Variants in NCKAP5 observed in about 807,000 individuals in gnomAD.
NCKAP5 encodes nck-associated protein 5.
A neutral mutation model predicts 167.0 loss-of-function variants in NCKAP5; 92 were observed. The observed-to-expected ratio is 0.55, with a 90% CI of 0.47 to 0.66. The LOEUF (loss-of-function observed/expected upper bound fraction) is 0.66, where lower values mean the gene tolerates loss of function less well. Among genes scored for constraint, NCKAP5 ranks in the 30% least tolerant of loss-of-function variants. NCKAP5 has a pLI of 0.00. For missense variants in NCKAP5, 2,378 were observed against 2,315.0 expected, an observed-to-expected ratio of 1.03 and a Z score of -0.56; for synonymous variants, 891 against 877.4, an observed-to-expected ratio of 1.02 and a Z score of -0.27.
intron 1 of NCKAP5, among the ~76,000 whole-genome samples, chr2:133,563,951 T>C (rs754975612): frequency 6.6e-6 from 1 of 152,142 alleles, no homozygotes; most frequent in Non-Finnish European, 1.5e-5. Flanking sequence ...CCGGCTAACA[T>C]GGTGAAACCC....
intron 15 of NCKAP5, among the ~76,000 whole-genome samples, chr2:132,774,822 G>C (rs1248796371): frequency 6.6e-6 from 1 of 152,198 alleles, no homozygotes; most frequent in Non-Finnish European, 1.5e-5. Context: ...CTATGAAGCA[G>C]GTGCTATGGT....
intron 12 of NCKAP5, among the ~76,000 whole-genome samples, chr2:132,796,096 T>C (rs1370947818): frequency 6.6e-6 from 1 of 152,190 alleles, no homozygotes; most frequent in Non-Finnish European, 1.5e-5. Flanking sequence ...TCCACAAATG[T>C]TCATGTCATT....
At chr2:132,961,280 A>G (rs952988176) in intron 8 of NCKAP5, among the ~76,000 whole-genome samples, 1 of 149,530 alleles carries the variant, frequency 6.7e-6, no homozygotes, top group African/African-American at 2.5e-5. Context: ...AATTCATATG[A>G]AAATTGAATT....
intron 3 of NCKAP5, among the ~76,000 whole-genome samples, chr2:133,397,938 A>G (rs16824301): frequency 0.29 from 43,579 of 151,956 alleles, 6,713 homozygotes; most frequent in African/African-American, 0.39. Flanking sequence ...GCAATGTGAG[A>G]GATTGGTTTG....
rs1003796886 is a variant in NCKAP5 at position 133,116,210 on chromosome 2, G to A, written c.341+13768C>T. ...CGCAAAATAAGAAAAATTTGTGGCC[G>A]GGCGCGGTGGCTCACGCCTGTAATC... On this transcript the variant is annotated intron_variant, in intron 6 of 19. Transcript: ENST00000409261. Among the ~76,000 whole-genome samples the A allele has an allele frequency of 8.1e-5, 7 of 86,170 alleles. 2 individuals carry two copies. Among genetic ancestry groups the A allele is most frequent in the African/African-American group, 1.9e-4 (3 of 15,542 alleles). The allele number at this position is 86,170 out of a possible 152,430, so 56.5% of individuals were successfully genotyped here. A position where few individuals can be genotyped will look rare whatever the true frequency, so the allele number is the denominator to read the frequency against.
intron 5 of NCKAP5, among the ~76,000 whole-genome samples, chr2:133,131,723 G>A (rs895313129): frequency 1.2e-4 from 19 of 152,020 alleles, no homozygotes; most frequent in African/African-American, 3.4e-4. Flanking sequence ...TTCTGGAAGC[G>A]CTGGAAAGAA....
intron 3 of NCKAP5, among the ~76,000 whole-genome samples, chr2:133,367,982 C>A (rs564945338): frequency 3.9e-5 from 6 of 152,264 alleles, no homozygotes; most frequent in African/African-American, 1.4e-4. Flanking sequence ...GACCCCAGCC[C>A]AGCCAGATGC....
chr2:132,868,840 T>G (rs1399551153), intron 10 of NCKAP5, 96 bp downstream of exon 10: 8 of 826,762 alleles, frequency 9.7e-6, no homozygotes, highest in Admixed American at 6.7e-5. Context: ...TACAGAAGTA[T>G]TGCATCTATC....
intron 4 of NCKAP5, among the ~76,000 whole-genome samples, chr2:133,262,680 C>T (rs539222272): frequency 3.3e-5 from 5 of 152,312 alleles, no homozygotes; most frequent in Non-Finnish European, 7.3e-5. Flanking sequence ...GCACCTCTAC[C>T]CTGCAGCAAG....
At chr2:133,174,523 C>T (rs1428348656) in intron 5 of NCKAP5, among the ~76,000 whole-genome samples, 1 of 152,068 alleles carries the variant, frequency 6.6e-6, no homozygotes, top group Non-Finnish European at 1.5e-5. Context: ...TTATTTTATT[C>T]TACAGGCTAA....
intron 16 of NCKAP5, among the ~76,000 whole-genome samples, chr2:132,757,593 C>T (rs1680657766): frequency 1.3e-5 from 2 of 152,212 alleles, no homozygotes; most frequent in Admixed American, 6.5e-5. Flanking sequence ...CCACAATTTG[C>T]CACAGTCCTC....
rs1006432900 is a variant in NCKAP5 at position 133,299,487 on chromosome 2, C to G, written c.143+3550G>C. On this transcript the variant is annotated intron_variant, in intron 4 of 19. Coordinates refer to ENST00000409261, the MANE Select transcript of NCKAP5 (RefSeq NM_207363.3). ...AGGGGCCGGGCCCGGGGGCTCACAC[C>G]TGTAATCTCAGCACTTTGGGAGTCC... Among the ~76,000 whole-genome samples the G allele has an allele frequency of 2.5e-4, 38 of 152,152 alleles. 1 individual carries two copies. The highest frequency in any genetic ancestry group is 1.3e-4 in the Non-Finnish European group (9 of 68,036).
chr2:133,504,014 G>A (rs1442538235), intron 3 of NCKAP5, among the ~76,000 whole-genome samples: 1 of 152,050 alleles, frequency 6.6e-6, no homozygotes. Flanking sequence ...AGGGCTCCTG[G>A]GAAAAGTGCT....
intron 19 of NCKAP5, among the ~76,000 whole-genome samples, chr2:132,709,397 G>A (rs1688652051): frequency 6.6e-6 from 1 of 151,882 alleles, no homozygotes; most frequent in South Asian, 2.1e-4. Context: ...GATACAATAG[G>A]TTCAGCCAAG....
chr2:132,740,207 G>A (rs1054071963), intron 16 of NCKAP5, among the ~76,000 whole-genome samples: 1 of 152,104 alleles, frequency 6.6e-6, no homozygotes, highest in African/African-American at 2.4e-5. Context: ...CATACAATGA[G>A]GCCCCAACAT....
At chr2:133,158,944 C>T (rs891070224) in intron 5 of NCKAP5, among the ~76,000 whole-genome samples, 12 of 121,480 alleles carry the variant, frequency 9.9e-5, no homozygotes, top group African/African-American at 3.2e-4. Flanking sequence ...GATAGAACAA[C>T]AGCCTACCAA....
intron 3 of NCKAP5, among the ~76,000 whole-genome samples, chr2:133,379,366 C>G (rs182597450): frequency 1.3e-5 from 2 of 152,112 alleles, no homozygotes; most frequent in Non-Finnish European, 2.9e-5. Flanking sequence ...CTGGACTACC[C>G]CACCCTGCAT....
At chr2:132,904,402 A>C (rs1396806058) in intron 8 of NCKAP5, among the ~76,000 whole-genome samples, 3 of 151,952 alleles carry the variant, frequency 2.0e-5, no homozygotes, top group Non-Finnish European at 4.4e-5. Flanking sequence ...TAATGCATGC[A>C]CAAGATTGTA....
At chr2:133,087,447 T>A (rs1431700208) in intron 6 of NCKAP5, among the ~76,000 whole-genome samples, 1 of 152,220 alleles carries the variant, frequency 6.6e-6, no homozygotes, top group Non-Finnish European at 1.5e-5. Context: ...TGTATCAGTG[T>A]TCTCCATATT....
Sources: allele counts gnomAD v4.1 joint callset (sites outside exome capture counted in the v4.1 genomes callset), GRCh38; gene constraint gnomAD v4.1.1; transcripts MANE v1.5; gene names NCBI Gene and HGNC (gene_info 2026-07-23, HGNC 2026-07-21).